Variants in WNK4 observed in about 807,000 individuals in gnomAD.
WNK4 encodes serine/threonine-protein kinase WNK4.
Under a neutral mutation model 116.2 loss-of-function variants are expected in WNK4, and 94 were observed. That is an observed-to-expected ratio of 0.81 (90% confidence interval 0.68 to 0.96). The LOEUF is 0.96. WNK4 is among the 40% of genes least tolerant of loss of function. The pLI is 0.00. For missense variants in WNK4, 1,542 were observed against 1,650.6 expected, an observed-to-expected ratio of 0.93 and a Z score of 1.14; for synonymous variants, 655 against 672.7, an observed-to-expected ratio of 0.97 and a Z score of 0.41.
At chr17:42,783,819 G>A (rs1465029361) in intron 2 of WNK4, 118 bp from the exon 3 acceptor site, 1 of 963,436 alleles carries the variant, frequency 1.0e-6, no homozygotes, top group South Asian at 1.4e-5. Context: ...CTAGGAGAAT[G>A]CTGGCAGAAG....
rs2054629895 is a variant in WNK4 at position 42,793,727 on chromosome 17, C to T, written c.2293C>T (p.Gln765Ter). 6.2e-7 allele frequency: 1 copy of T among 1,614,028 alleles called. No individual in the cohort carries two copies. The highest frequency in any genetic ancestry group is 8.5e-7 in the Non-Finnish European group (1 of 1,179,912). ...GGCTGCTGAAGACACCCTAAGCCCCCAGGTCAGACCCCTTGGTGGACACTT... is the reference window on the plus strand; with the variant it reads ...GGCTGCTGAAGACACCCTAAGCCCCTAGGTCAGACCCCTTGGTGGACACTT... ...MEAAEDTLSP[Q>*]EEPAPLPALP... The change falls in exon 12 of 19, where the codon CAG becomes TAG. Residue 765 changes from glutamine to a stop codon, truncating the protein, a stop_gained and splice_region_variant. Transcript: ENST00000246914. LOFTEE classifies it high-confidence loss of function.
chr17:42,796,524 C>T lies in WNK4; in HGVS notation c.3675C>T (p.Ser1225=). The T allele has an allele frequency of 6.2e-7, 1 of 1,614,046 alleles. No individual in the cohort carries two copies. Among genetic ancestry groups the T allele is most frequent in the East Asian group, 2.2e-5 (1 of 44,882 alleles). Reference sequence around the variant, plus strand: ...CTCTGAGTGGCAGCAGCACCGGCTCCCAGGAGCAGCGGGCAAGCAAGGGGG... The same window carrying T: ...CTCTGAGTGGCAGCAGCACCGGCTCTCAGGAGCAGCGGGCAAGCAAGGGGG... The part of the protein sequence containing the change: ...RNSLSGSSTG[S]QEQRASKGVT... Residue 1225 remains serine (S), a synonymous_variant, in exon 18 of 19, where the codon TCC becomes TCT. Coordinates refer to ENST00000246914, the MANE Select transcript of WNK4 (RefSeq NM_032387.5).
rs766755298 is a variant in WNK4 at position 42,796,153 on chromosome 17, A to G, written c.3462A>G (p.Thr1154=). 1.4e-5 allele frequency: 23 copies of G among 1,614,040 alleles called. No homozygotes were observed. Among genetic ancestry groups the G allele is most frequent in the Non-Finnish European group, 1.9e-5 (22 of 1,180,024 alleles). The stretch of plus-strand genomic sequence containing the variant: ...TGTCAGAGGTGGAAACACTACAGAC[A>G]CTACAGAAAAAAGAAATTGAAGATT... ...KHLSEVETLQ[T]LQKKEIEDLY... Residue 1154 remains threonine, a synonymous_variant, in exon 17 of 19, where the codon ACA becomes ACG. Coordinates refer to ENST00000246914, the MANE Select transcript of WNK4 (RefSeq NM_032387.5).
chr17:42,783,739 G>T lies in WNK4; in HGVS notation c.792-198G>T, dbSNP rs372703458. The T allele has an allele frequency of 1.3e-4, 81 of 619,286 alleles. 1 individual carries two copies. The African/African-American group carries it at 1.4e-3, about 11-fold the overall frequency. The allele number at this position is 619,286 out of a possible 1,614,324, so 38.4% of individuals were successfully genotyped here. On this transcript the variant is annotated intron_variant, in intron 2 of 18. Coordinates refer to ENST00000246914, the MANE Select transcript of WNK4 (RefSeq NM_032387.5). Reference sequence around the variant, plus strand: ...TATCTATCAATTTACTTCCCAACCCGTTTGGTAACGTCATGTCTATCCACC... The same window carrying T: ...TATCTATCAATTTACTTCCCAACCCTTTTGGTAACGTCATGTCTATCCACC...
rs771939814 is a variant in WNK4 at position 42,796,010 on chromosome 17, T to C, written c.3408T>C (p.Ala1136=). 3.7e-6 allele frequency: 6 copies of C among 1,613,658 alleles called. No homozygotes were observed. The highest frequency in any genetic ancestry group is 2.2e-5 in the South Asian group (2 of 91,072). Residue 1136 remains alanine, a synonymous_variant, in exon 16 of 19, where the codon GCT becomes GCC. Transcript: ENST00000246914. ...ESSGEDEEFW[A]ELQSLRQKHL... ...GTGGGGAAGATGAGGAGTTCTGGGC[T>C]GAGCTGCAGAGTCTTCGGCAGAAGT...
chr17:42,791,339 T>C (rs2054604075), intron 11 of WNK4, among the ~76,000 whole-genome samples: 1 of 152,190 alleles, frequency 6.6e-6, no homozygotes, highest in African/African-American at 2.4e-5. Flanking sequence ...GAGTCCTCAC[T>C]ATTTTAAGAA....
rs761724931 is a variant in WNK4 at position 42,780,926 on chromosome 17, A to G, written c.228A>G (p.Pro76=). The G allele has an allele frequency of 6.2e-7, 1 of 1,609,176 alleles. No homozygotes were observed. Among genetic ancestry groups the G allele is most frequent in the South Asian group, 1.1e-5 (1 of 91,062 alleles). The part of the protein sequence containing the change: ...DLGLLSSWSL[P]ASPAPDPPDP... ...GGCTGCTGAGCTCTTGGTCCCTGCC[A>G]GCCTCACCCGCTCCGGACCCCCCCG... The change falls in exon 1 of 19, where the codon CCA becomes CCG. Residue 76 remains proline (P), a synonymous_variant. Transcript: ENST00000246914.
Position 42,796,818 on chromosome 17 carries a change from AG to A in WNK4, c.*136del. The A allele has an allele frequency of 6.3e-7, 1 of 1,592,192 alleles. No individual in the cohort carries two copies. Among genetic ancestry groups the A allele is most frequent in the Admixed American group, 1.7e-5 (1 of 59,540 alleles). On this transcript the variant is annotated 3_prime_UTR_variant, in exon 19 of 19. Coordinates refer to ENST00000246914, the MANE Select transcript of WNK4 (RefSeq NM_032387.5). ...CCCAACACTGAAGGGGTAGAAGGCC[AG>A]GGGGGCATGGAGAGTGCAGCTCCAT... is the stretch of plus-strand genomic sequence containing the variant.
chr17:42,794,671 A>G lies in WNK4; in HGVS notation c.2350+3A>G. ...CCCCCTCCCAGACCCATCCAATGGT[A>G]TGTACTGAGTTGTGTCCTTGCTCAT... On this transcript the variant is annotated splice_donor_region_variant and intron_variant, in intron 13 of 18. Transcript: ENST00000246914. 6.2e-7 allele frequency: 1 copy of G among 1,613,616 alleles called. No homozygotes were observed. Among genetic ancestry groups the G allele is most frequent in the Non-Finnish European group, 8.5e-7 (1 of 1,179,878 alleles).
At chr17:42,793,492 G>T in intron 11 of WNK4, 100 bp from the exon 12 acceptor site, 1 of 1,541,868 alleles carries the variant, frequency 6.5e-7, no homozygotes, top group South Asian at 1.1e-5. Flanking sequence ...TTACAGGCGT[G>T]AGCCACCGCG....
intron 11 of WNK4, among the ~76,000 whole-genome samples, chr17:42,791,694 C>T (rs1230789527): frequency 6.6e-6 from 1 of 151,132 alleles, no homozygotes; most frequent in East Asian, 1.9e-4. Context: ...CGCAGTGGCT[C>T]ACACTTGTAA....
rs2054524903 is a variant in WNK4, at chr17:42,784,752, T to G, written c.1170+173T>G. 6.6e-6 allele frequency among the ~76,000 whole-genome samples: 1 copy of G among 152,050 alleles called. No homozygotes were observed. Among genetic ancestry groups the G allele is most frequent in the African/African-American group, 2.4e-5 (1 of 41,300 alleles). On this transcript the variant is annotated intron_variant, in intron 4 of 18. Transcript: ENST00000246914. This position sits in a 1 kb window ranked among gnomAD's most constrained non-coding sequence, Gnocchi z 4.4. ...CACACGCGCCCCCACCAGTACACGCTATTTAGAATAATAATATGTGTGGTG... is the reference window on the plus strand; with the variant it reads ...CACACGCGCCCCCACCAGTACACGCGATTTAGAATAATAATATGTGTGGTG...
At position 42,795,101 on chromosome 17, in the gene WNK4, C is replaced by G. The variant is rs766817565; in HGVS notation, c.2680C>G (p.Pro894Ala). The part of the protein sequence containing the change: ...LPTTSPPTFS[P>A]TCSQVTLSSP... ...CACGACTTCTCCACCTACGTTCTCT[C>G]CCACTTGTTCTCAGGTCACTCTTAG... The change falls in exon 14 of 19, where the codon CCC becomes GCC. Residue 894 changes from proline (P) to alanine (A), a missense_variant. Physicochemically the swap from Pro to Ala is conservative, Grantham distance 27. Transcript: ENST00000246914. 3 of 1,614,000 alleles carry G rather than the reference C, an allele frequency of 1.9e-6. No individual in the cohort carries two copies. Among genetic ancestry groups the G allele is most frequent in the African/African-American group, 2.7e-5 (2 of 74,880 alleles).
In WNK4 at chr17:42,788,181, G is replaced by A. The variant is rs61755602; in HGVS notation, c.1915G>A (p.Gly639Arg). The A allele has an allele frequency of 5.4e-5, 87 of 1,614,100 alleles. No homozygotes were observed. Among genetic ancestry groups the A allele is most frequent in the African/African-American group, 4.8e-4 (36 of 75,002 alleles). Residue 639 changes from glycine (G) to arginine (R), a missense_variant, in exon 9 of 19, where the codon GGG becomes AGG. Coordinates refer to ENST00000246914, the MANE Select transcript of WNK4 (RefSeq NM_032387.5). Reference protein sequence around the residue: ...RSGPGSDFSPGDSYASDAASG... With the variant: ...RSGPGSDFSPRDSYASDAASG... ...TGGCCCTGGAAGTGACTTTTCCCCC[G>A]GGGACAGGTATGTTCTGGTACAAGT...
rs377529825 is a variant in WNK4, at chr17:42,796,557, C to T, written c.3708C>T (p.Phe1236=). The change falls in exon 18 of 19, where the codon TTC becomes TTT. Residue 1236 remains phenylalanine, a synonymous_variant. Transcript: ENST00000246914. The part of the protein sequence containing the change: ...QEQRASKGVT[F]AGDVGRM ...AGCGGGCAAGCAAGGGGGTGACATTCGCCGGGGATGTTGGCAGGATGGTGA... is the reference window on the plus strand; with the variant it reads ...AGCGGGCAAGCAAGGGGGTGACATTTGCCGGGGATGTTGGCAGGATGGTGA... 38 of 1,614,034 alleles carry T rather than the reference C, an allele frequency of 2.4e-5. No individual in the cohort carries two copies. The highest frequency in any genetic ancestry group is 6.7e-5 in the African/African-American group (5 of 74,928).
Position 42,795,199 on chromosome 17 carries a change from G to A in WNK4, c.2778G>A (p.Leu926=), listed in dbSNP as rs766455167. 2 of 1,613,606 alleles carry A rather than the reference G, an allele frequency of 1.2e-6. No homozygotes were observed. The highest frequency in any genetic ancestry group is 2.7e-5 in the African/African-American group (2 of 74,746). The change falls in exon 14 of 19, where the codon CTG becomes CTA. Residue 926 remains leucine, a synonymous_variant. Transcript: ENST00000246914. ...PSTTAAPLLS[L]ASAFSLAVMT... ...CCACAGCAGCCCCTCTCCTTTCTCT[G>A]GCTAGTGCCTTCTCACTGGCTGTGA...
chr17:42,785,653 G>T (rs528394220), intron 6 of WNK4, among the ~76,000 whole-genome samples, 171 bp downstream of exon 6: 2 of 152,122 alleles, frequency 1.3e-5, no homozygotes, highest in Admixed American at 6.5e-5. Flanking sequence ...TAACTTACCC[G>T]CACGCACACC....
Position 42,794,594 on chromosome 17 carries a change from G to T in WNK4, c.2296-20G>T. The T allele has an allele frequency of 1.9e-6, 3 of 1,613,666 alleles. No homozygotes were observed. Among genetic ancestry groups the T allele is most frequent in the Non-Finnish European group, 2.5e-6 (3 of 1,179,934 alleles). On this transcript the variant is annotated intron_variant, in intron 12 of 18. Coordinates refer to ENST00000246914, the MANE Select transcript of WNK4 (RefSeq NM_032387.5). The stretch of plus-strand genomic sequence containing the variant: ...ACTGCTCTTCCCCACTGTGACTGCG[G>T]ACTCCTTTTTCTGCCTCAGGAGGAG...
intron 12 of WNK4, chr17:42,794,296 T>C (rs973486497): frequency 5.9e-5 from 26 of 438,548 alleles, no homozygotes; most frequent in South Asian, 2.7e-4. Flanking sequence ...GCAAGAATTA[T>C]ATAAAGAACC....
Sources: gnomAD v4.1 joint callset for allele counts (sites outside exome capture counted in the v4.1 genomes callset) on GRCh38, gnomAD v4.1.1 for gene constraint, Gnocchi (gnomAD v3.1) non-coding constraint, MANE v1.5 for transcripts, NCBI Gene and HGNC (gene_info 2026-07-23, HGNC 2026-07-21) for gene names.